The following CIST1 variants were observed in gnomAD, a reference collection of about 807,000 sequenced individuals.
CIST1 encodes the protein colon, intestine and stomach enriched 1.
At chr19:18,251,935 T>C in the CIST1 span, 15 of 396,630 alleles carry the variant, frequency 3.8e-5, no homozygotes, top group Non-Finnish European at 6.6e-5. Context: ...CTTTAGACAA[T>C]GGAGCAGAGA....
the CIST1 span, among the ~76,000 whole-genome samples, chr19:18,251,608 T>G: frequency 6.6e-6 from 1 of 150,588 alleles, no homozygotes; most frequent in Non-Finnish European, 1.5e-5. Flanking sequence ...CTAATTTTTG[T>G]AGTTTTAATA....
At chr19:18,254,658 G>A in the CIST1 span, among the ~76,000 whole-genome samples, 9 of 152,320 alleles carry the variant, frequency 5.9e-5, no homozygotes, top group African/African-American at 2.2e-4. Context: ...TGCTATTACA[G>A]GTCTGTGGGG....
chr19:18,251,139 C>A, the CIST1 span, among the ~76,000 whole-genome samples: 1 of 148,896 alleles, frequency 6.7e-6, no homozygotes, highest in African/African-American at 2.5e-5. Context: ...TTTTTTTTCC[C>A]CCCCGAGATG....
At chr19:18,250,243 C>T in the CIST1 span, 1 of 399,010 alleles carries the variant, frequency 2.5e-6, no homozygotes, top group South Asian at 1.3e-4. Context: ...GTTGGCCCTG[C>T]TTGGGATAGC....
the CIST1 span, chr19:18,252,608 C>T: frequency 2.6e-6 from 1 of 378,940 alleles, no homozygotes; most frequent in Non-Finnish European, 4.6e-6. Context: ...CTCTCTCTTT[C>T]TCTCTCTCTT....
the CIST1 span, chr19:18,250,026 A>T: frequency 8.0e-5 from 32 of 398,488 alleles, no homozygotes; most frequent in East Asian, 8.5e-4. Flanking sequence ...GTGTTTTCAC[A>T]CGAGGCCTTG....
the CIST1 span, among the ~76,000 whole-genome samples, chr19:18,250,926 A>G: frequency 2.6e-5 from 4 of 151,968 alleles, no homozygotes; most frequent in African/African-American, 7.3e-5. Context: ...AGTGTGTGCC[A>G]CCACACCCAG....
At chr19:18,253,649 A>G in the CIST1 span, among the ~76,000 whole-genome samples, 1 of 152,166 alleles carries the variant, frequency 6.6e-6, no homozygotes, top group Non-Finnish European at 1.5e-5. Context: ...AGAGAGGATC[A>G]GCCCTAATTT....
At chr19:18,252,002 C>T in the CIST1 span, 6 of 398,390 alleles carry the variant, frequency 1.5e-5, no homozygotes, top group Non-Finnish European at 2.7e-5. Context: ...TGGTCAGTTC[C>T]AAAACTGCAG....
At chr19:18,253,538 G>A in the CIST1 span, among the ~76,000 whole-genome samples, 2 of 116,516 alleles carry the variant, frequency 1.7e-5, no homozygotes, top group African/African-American at 3.7e-5. Context: ...GCAACAGAGT[G>A]AGACTCCGTC....
chr19:18,250,389 T>A, the CIST1 span: 3 of 399,098 alleles, frequency 7.5e-6, no homozygotes, highest in East Asian at 1.1e-4. Flanking sequence ...ACAGACCCGA[T>A]GAGCAAAAGA....
chr19:18,252,149 C>G, the CIST1 span: 1 of 399,044 alleles, frequency 2.5e-6, no homozygotes, highest in Non-Finnish European at 4.4e-6. Context: ...AGTGCGGGGT[C>G]AGGGATTCGG....
the CIST1 span, chr19:18,250,114 G>A: frequency 2.5e-6 from 1 of 398,754 alleles, no homozygotes; most frequent in Non-Finnish European, 4.4e-6. Flanking sequence ...CCCCATCTCT[G>A]TTGGCTCCTC....
chr19:18,251,676 A>ACCCCCCCCCCCCCCCCCCCCCC, the CIST1 span, among the ~76,000 whole-genome samples: 1 of 23,566 alleles, frequency 4.2e-5, no homozygotes, highest in African/African-American at 1.1e-4. Context: ...CTCGTGATAC[A>ACCCCCCCCCCCCCCCCCCCCCC]CGCCCCCCCC....
chr19:18,254,907 T>C, the CIST1 span, among the ~76,000 whole-genome samples: 3 of 152,194 alleles, frequency 2.0e-5, no homozygotes, highest in Non-Finnish European at 4.4e-5. Flanking sequence ...ATTCTCCCTT[T>C]GGGGATTGGC....
chr19:18,251,269 G>A, the CIST1 span, among the ~76,000 whole-genome samples: 1 of 151,362 alleles, frequency 6.6e-6, no homozygotes, highest in South Asian at 2.1e-4. Flanking sequence ...CGGATTACAG[G>A]CGCCCGCCAC....
chr19:18,251,825 C>G, the CIST1 span, among the ~76,000 whole-genome samples: 1 of 151,918 alleles, frequency 6.6e-6, no homozygotes. Context: ...TATAACCTGT[C>G]TCCCCACCAC....
At chr19:18,255,156 G>T in the CIST1 span, 1 of 398,196 alleles carries the variant, frequency 2.5e-6, no homozygotes, top group Non-Finnish European at 4.4e-6. The surrounding 1 kb of genome is among the most constrained non-coding windows in gnomAD (Gnocchi z 4.6). Flanking sequence ...GTGTGACTGG[G>T]CTGTGCGTCC....
chr19:18,253,234 G>T, the CIST1 span, among the ~76,000 whole-genome samples: 2 of 152,138 alleles, frequency 1.3e-5, no homozygotes, highest in Non-Finnish European at 2.9e-5. Flanking sequence ...CATCAGTCAG[G>T]TTCATAGTGG....
Sources: gnomAD v4.1 joint callset for allele counts (sites outside exome capture counted in the v4.1 genomes callset) on GRCh38, gnomAD v4.1.1 for gene constraint, Gnocchi (gnomAD v3.1) non-coding constraint, MANE v1.5 for transcripts, NCBI Gene and HGNC (gene_info 2026-07-23, HGNC 2026-07-21) for gene names.